SAMSN1: variants seen among roughly 807,000 people sequenced by gnomAD.
SAMSN1 encodes SAM domain, SH3 domain and nuclear localization signals 1.
In SAMSN1, 31 loss-of-function variants were observed where a neutral mutation model predicts 42.0. That is an observed-to-expected ratio of 0.74 (90% CI 0.55 to 1.00). The LOEUF is 1.00. Ranked by LOEUF, SAMSN1 falls within the 50% of genes least tolerant of loss-of-function variation. The pLI is 0.00. For synonymous variants in SAMSN1, 178 were observed against 151.9 expected, an observed-to-expected ratio of 1.17 and a Z score of -1.26; for missense variants, 464 against 439.4, an observed-to-expected ratio of 1.06 and a Z score of -0.50.
At position 14,614,334 on chromosome 21, in the gene SAMSN1, A is replaced by G. The variant is rs144238729; in HGVS notation, c.198-1421T>C. On this transcript the variant is annotated intron_variant, in intron 3 of 15. Transcript: ENST00000647101. The stretch of plus-strand genomic sequence containing the variant: ...TAGAAATAAAATTGACTATAGGTTG[A>G]TCCTTGTTTAAGTTTGGTGATATGA... Among the ~76,000 whole-genome samples the G allele has an allele frequency of 5.9e-3, 899 of 152,262 alleles. 15 individuals are homozygous for G. The highest frequency in any genetic ancestry group is 0.02 in the African/African-American group (837 of 41,540).
intron 6 of SAMSN1, among the ~76,000 whole-genome samples, chr21:14,596,320 T>C (rs994270520): frequency 6.6e-6 from 1 of 152,178 alleles, no homozygotes; most frequent in African/African-American, 2.4e-5. Context: ...AATATAGCCC[T>C]ATATTCTTTC....
intron 1 of SAMSN1, among the ~76,000 whole-genome samples, chr21:14,525,655 G>T (rs1978798815): frequency 1.3e-5 from 2 of 152,080 alleles, no homozygotes; most frequent in Non-Finnish European, 2.9e-5. Flanking sequence ...ATCTAGCGAG[G>T]AGCAGCAAAT....
rs1242729811 is a variant in SAMSN1 at position 14,623,639 on chromosome 21, A to T, written c.157-7623T>A. On this transcript the variant is annotated intron_variant, in intron 2 of 15. Transcript: ENST00000647101. Reference sequence around the variant, plus strand: ...AGATTCATAAAGCAAGTCCTTAGAGACCTACAAGGAGACTTAGACTCCCAC... The same window carrying T: ...AGATTCATAAAGCAAGTCCTTAGAGTCCTACAAGGAGACTTAGACTCCCAC... Among the ~76,000 whole-genome samples the T allele has an allele frequency of 5.9e-5, 9 of 152,170 alleles. No homozygotes were observed. The East Asian group carries it at 1.7e-3, about 29-fold the overall frequency.
intron 2 of SAMSN1, among the ~76,000 whole-genome samples, chr21:14,617,798 T>C (rs1982880099): frequency 6.6e-6 from 1 of 152,268 alleles, no homozygotes; most frequent in African/African-American, 2.4e-5. Flanking sequence ...CTGCCTTTGC[T>C]ATCAAAGAGA....
At position 14,604,251 on chromosome 21, in the gene SAMSN1, C is replaced by T. The variant is rs570586043; in HGVS notation, c.323-2152G>A. Among the ~76,000 whole-genome samples the T allele has an allele frequency of 6.6e-5, 10 of 152,256 alleles. No individual in the cohort carries two copies. In the South Asian group the frequency reaches 2.1e-3, roughly 32 times the overall value. ...TGCAGGCTATATTTTCCAAAGTTGG[C>T]CACAACCATGCCTCCCATTCCGTGT... On this transcript the variant is annotated intron_variant, in intron 5 of 15. Transcript: ENST00000647101.
intron 2 of SAMSN1, among the ~76,000 whole-genome samples, chr21:14,642,702 CCTTT>C (rs1406829957): frequency 6.6e-6 from 1 of 152,210 alleles, no homozygotes; most frequent in South Asian, 2.1e-4. Flanking sequence ...TCTTATCTTG[CCTTT>C]CTTTCTCGCA....
intron 1 of SAMSN1, among the ~76,000 whole-genome samples, chr21:14,544,130 G>T (rs1008736458): frequency 6.6e-6 from 1 of 152,124 alleles, no homozygotes; most frequent in African/African-American, 2.4e-5. Flanking sequence ...GCCCACTGTA[G>T]CCTTCAATCT....
Position 14,539,015 on chromosome 21 carries a change from T to C in SAMSN1, c.57+7190A>G, listed in dbSNP as rs181455412. 4.3e-3 allele frequency among the ~76,000 whole-genome samples: 652 copies of C among 152,334 alleles called. 4 individuals are homozygous for C. The highest frequency in any genetic ancestry group is 0.015 in the African/African-American group (614 of 41,566). On this transcript the variant is annotated intron_variant, in intron 1 of 7. Transcript: ENST00000400566. ...AAAGGCCAAGATGTTCTAATTACAGTCACTAACTTTAATTTGTGGGATCCA... is the reference window on the plus strand; with the variant it reads ...AAAGGCCAAGATGTTCTAATTACAGCCACTAACTTTAATTTGTGGGATCCA...
chr21:14,509,367 A>T (rs900767924), intron 5 of SAMSN1, among the ~76,000 whole-genome samples: 25 of 152,198 alleles, frequency 1.6e-4, no homozygotes, highest in African/African-American at 5.8e-4. Flanking sequence ...ATGCAAAGGC[A>T]TAGGAATGAC....
At chr21:14,510,144 G>GAAA (rs112521674) in intron 5 of SAMSN1, among the ~76,000 whole-genome samples, 166 bp downstream of exon 5, 4,530 of 131,056 alleles carry the variant, frequency 0.035, 217 homozygotes, top group African/African-American at 0.12. Context: ...CTCAAAAAAA[G>GAAA]AAAAAAAAAA....
At chr21:14,611,001 T>C (rs946413134) in intron 4 of SAMSN1, among the ~76,000 whole-genome samples, 4 of 152,194 alleles carry the variant, frequency 2.6e-5, no homozygotes, top group African/African-American at 9.7e-5. Flanking sequence ...TCATAGCTCA[T>C]TGTGGCCTCA....
chr21:14,579,363 A>G (rs1981621521), intron 2 of SAMSN1, among the ~76,000 whole-genome samples: 1 of 152,190 alleles, frequency 6.6e-6, no homozygotes, highest in Non-Finnish European at 1.5e-5. Flanking sequence ...AAAACTACCT[A>G]AATAAAAAAG....
In SAMSN1 at chr21:14,564,134, G is replaced by T. The variant is rs999822605; in HGVS notation, c.261+18002C>A. On this transcript the variant is annotated intron_variant, in intron 2 of 8. Coordinates refer to the SAMSN1 transcript ENST00000285670. The stretch of plus-strand genomic sequence containing the variant: ...TGGATTTTTAAAATGAGTAATGTCT[G>T]GTTCTGAACCCATGCAATTGATTTC... 3.9e-5 allele frequency among the ~76,000 whole-genome samples: 6 copies of T among 152,204 alleles called. No homozygotes were observed. The South Asian group carries it at 1.2e-3, about 32-fold the overall frequency.
intron 4 of SAMSN1, among the ~76,000 whole-genome samples, chr21:14,511,526 C>T (rs568130938): frequency 1.8e-4 from 27 of 152,322 alleles, no homozygotes; most frequent in African/African-American, 5.8e-4. Flanking sequence ...AACTATTCTA[C>T]AGCCAATAGG....
chr21:14,529,406 A>G (rs962570816), intron 1 of SAMSN1, among the ~76,000 whole-genome samples: 3 of 152,244 alleles, frequency 2.0e-5, no homozygotes, highest in Non-Finnish European at 4.4e-5. Flanking sequence ...TTCAAGTTAA[A>G]TGTCAAAAAT....
intron 2 of SAMSN1, among the ~76,000 whole-genome samples, chr21:14,579,338 T>C (rs1277854860): frequency 6.6e-6 from 1 of 152,186 alleles, no homozygotes; most frequent in East Asian, 1.9e-4. Context: ...CGTTAAGTTA[T>C]ATATTAAAAT....
intron 4 of SAMSN1, chr21:14,612,467 T>C (rs1430630854): frequency 2.7e-5 from 8 of 291,972 alleles, no homozygotes; most frequent in Non-Finnish European, 5.1e-5. Flanking sequence ...GAAGATTTGG[T>C]GTGTGAAATG....
chr21:14,517,562 G>C (rs557886995), intron 2 of SAMSN1, among the ~76,000 whole-genome samples: 2 of 152,214 alleles, frequency 1.3e-5, no homozygotes, highest in Admixed American at 6.5e-5. Context: ...AGAAATGTTA[G>C]ATTTTTTTTC....
chr21:14,594,466 C>T (rs1982196807), intron 6 of SAMSN1, among the ~76,000 whole-genome samples: 1 of 152,118 alleles, frequency 6.6e-6, no homozygotes, highest in Admixed American at 6.6e-5. Context: ...TGAAGCAGCC[C>T]ACTCTAATCC....
Sources: allele counts gnomAD v4.1 joint callset (sites outside exome capture counted in the v4.1 genomes callset), GRCh38; gene constraint gnomAD v4.1.1; transcripts MANE v1.5; gene names NCBI Gene and HGNC (gene_info 2026-07-23, HGNC 2026-07-21).